Variants in KCNU1 observed in about 807,000 individuals in gnomAD.
KCNU1 encodes the protein potassium calcium-activated channel subfamily U member 1.
Under a neutral mutation model 126.8 loss-of-function variants are expected in KCNU1, and 93 were observed. That is an observed-to-expected ratio of 0.73 (90% CI 0.62 to 0.87). The LOEUF is 0.87. Among genes scored for constraint, KCNU1 ranks in the 40% least tolerant of loss-of-function variants. KCNU1 has a pLI of 0.00. For synonymous variants in KCNU1, 523 were observed against 494.2 expected, an observed-to-expected ratio of 1.06 and a Z score of -0.77; for missense variants, 1,330 against 1,367.1, an observed-to-expected ratio of 0.97 and a Z score of 0.43.
Position 36,909,682 on chromosome 8 carries a change from T to C in KCNU1, c.2331+147T>C, listed in dbSNP as rs189341927. On this transcript the variant is annotated intron_variant, in intron 21 of 26. Coordinates refer to ENST00000399881, the MANE Select transcript of KCNU1 (RefSeq NM_001031836.3). The stretch of plus-strand genomic sequence containing the variant: ...ATTTTACCTATATTAATTCACTTAA[T>C]CTCAAAACCACCCTATGGGGTAGAT... 5.0e-6 allele frequency: 3 copies of C among 594,106 alleles called. No individual in the cohort carries two copies. The East Asian group carries it at 8.5e-5, about 17-fold the overall frequency. The allele number at this position is 594,106 out of a possible 1,614,324, so 36.8% of individuals were successfully genotyped here.
In KCNU1 at chr8:36,935,991, C is replaced by T. The variant is rs1412957041; in HGVS notation, c.*71C>T. 4 of 1,361,372 alleles carry T rather than the reference C, an allele frequency of 2.9e-6. No homozygotes were observed. The East Asian group carries it at 9.3e-5, about 32-fold the overall frequency. 84.3% of individuals were successfully genotyped at this position (1,361,372 alleles called of 1,614,324 possible). On this transcript the variant is annotated 3_prime_UTR_variant, in exon 27 of 27. Coordinates refer to ENST00000399881, the MANE Select transcript of KCNU1 (RefSeq NM_001031836.3). The stretch of plus-strand genomic sequence containing the variant: ...CATCTCCTGAGATGCTAACTTTGAA[C>T]AAAGAAAATAAGAATGGAAGCATGC...
chr8:36,831,020 G>C (rs1374722746), intron 10 of KCNU1, among the ~76,000 whole-genome samples: 2 of 149,948 alleles, frequency 1.3e-5, no homozygotes, highest in African/African-American at 4.9e-5. Context: ...TTGGTTTTTT[G>C]TTCTTGCGAT....
Position 36,838,636 on chromosome 8 carries a change from G to T in KCNU1, c.1518+1691G>T, listed in dbSNP as rs139633855. 5.4e-3 allele frequency among the ~76,000 whole-genome samples: 816 copies of T among 152,220 alleles called. 8 individuals carry two copies. Among genetic ancestry groups the T allele is most frequent in the African/African-American group, 0.019 (781 of 41,528 alleles). ...TGCTTGAACCCAGGAGGTGGGGGTT[G>T]CAGTGAGCTGAGATCACGCCACTCC... is the stretch of plus-strand genomic sequence containing the variant. On this transcript the variant is annotated intron_variant, in intron 14 of 26. Transcript: ENST00000399881.
chr8:36,830,630 C>G (rs913513590), intron 10 of KCNU1, among the ~76,000 whole-genome samples: 1 of 151,930 alleles, frequency 6.6e-6, no homozygotes, highest in African/African-American at 2.4e-5. Context: ...AGAAGTTAAA[C>G]GCGAAACCAT....
intron 19 of KCNU1, among the ~76,000 whole-genome samples, chr8:36,866,652 T>C (rs553664653): frequency 7.8e-4 from 118 of 152,252 alleles, no homozygotes; most frequent in African/African-American, 2.7e-3. Flanking sequence ...ATTTATTGAG[T>C]AGCCTGTACG....
intron 10 of KCNU1, among the ~76,000 whole-genome samples, chr8:36,826,183 A>AT (rs1046574711): frequency 1.9e-4 from 29 of 149,958 alleles, no homozygotes; most frequent in Admixed American, 1.0e-3. Context: ...ATATGTCCTG[A>AT]TTTTTTTTAT....
At chr8:36,917,889 C>T (rs760058010) in intron 22 of KCNU1, among the ~76,000 whole-genome samples, 1 of 152,124 alleles carries the variant, frequency 6.6e-6, no homozygotes, top group Non-Finnish European at 1.5e-5. Flanking sequence ...TGAGTGACAT[C>T]CCAGCTCAGG....
At chr8:36,824,853 C>G (rs1804257761) in intron 10 of KCNU1, among the ~76,000 whole-genome samples, 2 of 152,088 alleles carry the variant, frequency 1.3e-5, no homozygotes, top group African/African-American at 4.8e-5. Flanking sequence ...AGACAATATT[C>G]TATGAATACA....
At chr8:36,792,479 G>T (rs1802938436) in intron 2 of KCNU1, among the ~76,000 whole-genome samples, 1 of 152,158 alleles carries the variant, frequency 6.6e-6, no homozygotes, top group Non-Finnish European at 1.5e-5. Flanking sequence ...GATGTCAACA[G>T]GTTTCTGAAG....
chr8:36,883,483 G>T (rs1806569703), intron 19 of KCNU1, among the ~76,000 whole-genome samples: 2 of 152,080 alleles, frequency 1.3e-5, no homozygotes, highest in Admixed American at 1.3e-4. Flanking sequence ...TGCCTTTTCT[G>T]GGAGGAAAGA....
At chr8:36,822,724 A>G (rs1804175041) in intron 10 of KCNU1, among the ~76,000 whole-genome samples, 2 of 152,190 alleles carry the variant, frequency 1.3e-5, no homozygotes, top group African/African-American at 4.8e-5. Flanking sequence ...ACACAAATAG[A>G]TATTACACAG....
intron 9 of KCNU1, 145 bp downstream of exon 9, chr8:36,815,832 GCTAAA>G: frequency 1.8e-6 from 1 of 551,956 alleles, no homozygotes; most frequent in Non-Finnish European, 3.2e-6. Context: ...AAAGGACTGT[GCTAAA>G]CTAAATACCG....
chr8:36,895,165 G>A (rs989320215), intron 19 of KCNU1, among the ~76,000 whole-genome samples: 1 of 150,878 alleles, frequency 6.6e-6, no homozygotes, highest in Non-Finnish European at 1.5e-5. Flanking sequence ...TCAGCTCACT[G>A]CCCCCCCAGT....
intron 19 of KCNU1, among the ~76,000 whole-genome samples, chr8:36,881,796 T>TCACACACACACACACACACACA (rs10522369): frequency 7.2e-6 from 1 of 138,844 alleles, no homozygotes; most frequent in Non-Finnish European, 1.6e-5. Flanking sequence ...AAAAGTCAAA[T>TCACACACACACACACACACACA]CACACACACA....
chr8:36,892,015 A>T (rs1337220243), intron 19 of KCNU1, among the ~76,000 whole-genome samples: 2 of 152,090 alleles, frequency 1.3e-5, no homozygotes, highest in East Asian at 1.9e-4. Context: ...TTAAATATGT[A>T]AAATTTGTGT....
chr8:36,838,488 T>G (rs1804835179), intron 14 of KCNU1, among the ~76,000 whole-genome samples: 1 of 152,124 alleles, frequency 6.6e-6, no homozygotes, highest in South Asian at 2.1e-4. Flanking sequence ...CTCAGGAGTT[T>G]GAGACCAACC....
intron 10 of KCNU1, among the ~76,000 whole-genome samples, chr8:36,833,017 CATT>C (rs752083007): frequency 6.6e-5 from 10 of 152,002 alleles, no homozygotes; most frequent in Non-Finnish European, 1.5e-4. Context: ...GATCAAAGAT[CATT>C]ATATGTAATA....
At chr8:36,828,932 T>C (rs530027868) in intron 10 of KCNU1, among the ~76,000 whole-genome samples, 2 of 152,200 alleles carry the variant, frequency 1.3e-5, no homozygotes, top group South Asian at 2.1e-4. Context: ...ACAACTGGTA[T>C]GGTTATATGT....
At chr8:36,791,954 G>A (rs1802918477) in intron 2 of KCNU1, among the ~76,000 whole-genome samples, 1 of 151,946 alleles carries the variant, frequency 6.6e-6, no homozygotes, top group Non-Finnish European at 1.5e-5. Flanking sequence ...TTGGTATGTA[G>A]CATGAGAATA....
Sources: allele counts gnomAD v4.1 joint callset (sites outside exome capture counted in the v4.1 genomes callset), GRCh38; gene constraint gnomAD v4.1.1; transcripts MANE v1.5; gene names NCBI Gene and HGNC (gene_info 2026-07-23, HGNC 2026-07-21).